LAMC1: variants seen among roughly 807,000 people sequenced by gnomAD.
The protein encoded by LAMC1 is laminin subunit gamma 1.
LAMC1 carries 38 observed loss-of-function variants against 173.6 expected under a neutral mutation model. The ratio of observed to expected loss-of-function variants is 0.22; its 90% CI spans 0.17 to 0.29. The LOEUF (loss-of-function observed/expected upper bound fraction) is 0.29, where lower values mean the gene tolerates loss of function less well. Ranked by LOEUF, LAMC1 falls within the 10% of genes least tolerant of loss-of-function variation. LAMC1 has a pLI of 1.00. For missense variants in LAMC1, 1,824 were observed against 2,051.8 expected (o/e 0.89, Z 2.14); for synonymous variants, 746 against 749.1 (o/e 1.00, Z 0.07).
intron 4 of LAMC1, among the ~76,000 whole-genome samples, chr1:183,112,962 T>G (rs952322010): frequency 1.3e-5 from 2 of 152,070 alleles, no homozygotes; most frequent in Non-Finnish European, 2.9e-5. Flanking sequence ...GGTGGGAGAC[T>G]CATTTGGGAC....
In LAMC1 at chr1:183,142,757, C is replaced by T. The variant is rs35216974; in HGVS notation, c.4797C>T (p.Gly1599=). 2,495 of 1,613,570 alleles carry T rather than the reference C, an allele frequency of 1.5e-3. 28 individuals are homozygous for T. The African/African-American group carries it at 0.027, about 17-fold the overall frequency. Residue 1599 remains glycine (G), a synonymous_variant, in exon 28 of 28, where the codon GGC becomes GGT. Transcript: ENST00000258341. ...LEDIRKTLPS[G]CFNTPSIEKP Reference sequence around the variant, plus strand: ...ACATCAGGAAGACCTTACCATCTGGCTGCTTCAACACCCCGTCCATTGAAA... The same window carrying T: ...ACATCAGGAAGACCTTACCATCTGGTTGCTTCAACACCCCGTCCATTGAAA...
chr1:183,133,575 GC>G (rs773025532), intron 22 of LAMC1, 25 bp downstream of exon 22: 1 of 1,584,484 alleles, frequency 6.3e-7, no homozygotes, highest in Non-Finnish European at 8.6e-7. Flanking sequence ...TGTACGCACA[GC>G]CCCACCCCGT....
chr1:183,023,679 C>T lies in LAMC1; in HGVS notation c.-38C>T, dbSNP rs1341329102. On this transcript the variant is annotated 5_prime_UTR_variant, in exon 1 of 28. Coordinates refer to ENST00000258341, the MANE Select transcript of LAMC1 (RefSeq NM_002293.4). ...GCTAGGCGAGAGGAACGCGCCGGTG[C>T]CCTTGCCTTCGCCGTGACCCAGCGT... 4.3e-6 allele frequency: 5 copies of T among 1,159,094 alleles called. No individual in the cohort carries two copies. In the African/African-American group the frequency reaches 6.5e-5, roughly 15 times the overall value. 71.8% of individuals were successfully genotyped at this position (1,159,094 alleles called of 1,614,324 possible). A position where few individuals can be genotyped will look rare whatever the true frequency, so the allele number is the denominator to read the frequency against.
Position 183,137,784 on chromosome 1 carries a change from G to C in LAMC1, c.4430G>C (p.Arg1477Thr), listed in dbSNP as rs1656988199. The part of the protein sequence containing the change: ...QLQEAEKELK[R>T]KQDDADQDMM... The stretch of plus-strand genomic sequence containing the variant: ...CAGGAAGCAGAAAAAGAGCTAAAGA[G>C]AAAACAAGATGACGCTGACCAGGAC... Residue 1477 changes from arginine to threonine, a missense_variant, in exon 26 of 28, where the codon AGA becomes ACA. Arg to Thr is a moderately conservative substitution (Grantham distance 71). Transcript: ENST00000258341. The C allele has an allele frequency of 6.2e-7, 1 of 1,611,674 alleles. No individual in the cohort carries two copies. Among genetic ancestry groups the C allele is most frequent in the Non-Finnish European group, 8.5e-7 (1 of 1,178,656 alleles).
intron 14 of LAMC1, 187 bp downstream of exon 14, chr1:183,125,063 C>T (rs1656583117): frequency 1.5e-6 from 1 of 676,926 alleles, no homozygotes; most frequent in East Asian, 2.8e-5. Context: ...TGGTGGCTGA[C>T]ACCTGTGGTC....
In LAMC1 at chr1:183,114,568, C is replaced by T. The variant is rs769627682; in HGVS notation, c.1059C>T (p.Phe353=). The stretch of plus-strand genomic sequence containing the variant: ...ATGGTCGATCCCAGGAATGCTACTT[C>T]GACCCTGAACTCTATCGTTCCACTG... ...DCNGRSQECY[F]DPELYRSTGH... is the part of the protein sequence containing the mutation. Residue 353 remains phenylalanine, a synonymous_variant, in exon 5 of 28, where the codon TTC becomes TTT. Coordinates refer to ENST00000258341, the MANE Select transcript of LAMC1 (RefSeq NM_002293.4). 18 of 1,614,078 alleles carry T rather than the reference C, an allele frequency of 1.1e-5. No individual in the cohort carries two copies. Among genetic ancestry groups the T allele is most frequent in the South Asian group, 3.3e-5 (3 of 91,086 alleles).
chr1:183,117,591 G>A lies in LAMC1; in HGVS notation c.1745G>A (p.Arg582Gln), dbSNP rs1338729312. The A allele has an allele frequency of 4.3e-6, 7 of 1,614,138 alleles. No homozygotes were observed. The highest frequency in any genetic ancestry group is 3.3e-5 in the Admixed American group (2 of 60,018). ...SYGQNLSFSF[R>Q]VDRRDTRLSA... ...GGTCAGAACCTCTCCTTCTCCTTTC[G>A]AGTGGACAGGCGAGATACTCGCCTC... The change falls in exon 10 of 28, where the codon CGA (arginine) becomes CAA (glutamine). Residue 582 changes from arginine (R) to glutamine (Q), a missense_variant. Physicochemically the swap from Arg to Gln is conservative, Grantham distance 43. Coordinates refer to ENST00000258341, the MANE Select transcript of LAMC1 (RefSeq NM_002293.4).
intron 18 of LAMC1, among the ~76,000 whole-genome samples, chr1:183,129,090 T>G (rs1163895840): frequency 4.9e-5 from 7 of 143,674 alleles, no homozygotes; most frequent in African/African-American, 1.5e-4. Flanking sequence ...AGCTTTTTTT[T>G]TTTTTTTTTT....
chr1:183,032,798 T>C (rs1197883262), intron 1 of LAMC1, among the ~76,000 whole-genome samples: 2 of 152,226 alleles, frequency 1.3e-5, no homozygotes, highest in African/African-American at 4.8e-5. Context: ...TGAAAGTTTC[T>C]GCTAACCAGA....
chr1:183,125,419 G>C lies in LAMC1; in HGVS notation c.2670G>C (p.Gly890=). 6.2e-7 allele frequency: 1 copy of C among 1,614,118 alleles called. No homozygotes were observed. The highest frequency in any genetic ancestry group is 8.5e-7 in the Non-Finnish European group (1 of 1,180,000). The change falls in exon 15 of 28, where the codon GGG becomes GGC. Residue 890 remains glycine (G), a synonymous_variant. Transcript: ENST00000258341. ...KCKACNCNLY[G]TMKQQSSCNP... ...TAGCCTGCAATTGCAATCTGTATGG[G>C]ACCATGAAGCAGCAGAGCAGCTGTA...
chr1:183,130,450 CTT>C lies in LAMC1; in HGVS notation c.3388_3389del (p.Leu1130GlyfsTer2). 1 of 1,614,176 alleles carries C rather than the reference CTT, an allele frequency of 6.2e-7. No homozygotes were observed. Among genetic ancestry groups the C allele is most frequent in the Non-Finnish European group, 8.5e-7 (1 of 1,180,020 alleles). On this transcript the variant is annotated frameshift_variant, in exon 19 of 28. Coordinates refer to ENST00000258341, the MANE Select transcript of LAMC1 (RefSeq NM_002293.4). LOFTEE classifies it high-confidence loss of function. The part of the protein sequence containing the change: ...IRNTIEETGN[L>X]AEQARAHVEN... ...GGAATACCATTGAAGAGACTGGAAA[CTT>C]GGCTGAACAAGCGCGTGCCCATGTA...
At position 183,097,405 on chromosome 1, in the gene LAMC1, T is replaced by G. The variant is rs1250183706; in HGVS notation, c.419-5923T>G. Among the ~76,000 whole-genome samples, 3 of 152,198 alleles carry G rather than the reference T, an allele frequency of 2.0e-5. No individual in the cohort carries two copies. In the South Asian group the frequency reaches 6.2e-4, roughly 32 times the overall value. ...CAGTAGTGAACCAGTGACTCCTAAT[T>G]TGATACTTTAGAATGAACTAGTTTT... On this transcript the variant is annotated intron_variant, in intron 1 of 27. Coordinates refer to ENST00000258341, the MANE Select transcript of LAMC1 (RefSeq NM_002293.4).
At chr1:183,124,918 CT>C (rs932718358) in intron 14 of LAMC1, 42 bp downstream of exon 14, 9 of 1,599,092 alleles carry the variant, frequency 5.6e-6, no homozygotes, top group Middle Eastern at 1.7e-4. Flanking sequence ...CTAAATGCCC[CT>C]TTATTGTGAG....
At chr1:183,132,698 G>A (rs562171118) in intron 21 of LAMC1, among the ~76,000 whole-genome samples, 161 bp downstream of exon 21, 1 of 152,280 alleles carries the variant, frequency 6.6e-6, no homozygotes, top group East Asian at 1.9e-4. Flanking sequence ...GTAGAGAAGG[G>A]CATGTGAAGC....
intron 1 of LAMC1, among the ~76,000 whole-genome samples, chr1:183,033,795 G>A (rs566944752): frequency 1.3e-5 from 2 of 152,084 alleles, no homozygotes; most frequent in South Asian, 2.1e-4. Flanking sequence ...AGGTTCAAGC[G>A]ATTCTCCTGT....
chr1:183,063,181 C>G (rs1403145509), intron 1 of LAMC1, among the ~76,000 whole-genome samples: 1 of 152,082 alleles, frequency 6.6e-6, no homozygotes, highest in Non-Finnish European at 1.5e-5. Context: ...CTCAAAGTTC[C>G]AGAATAGTCA....
chr1:183,145,058 G>A lies in LAMC1; in HGVS notation c.*2268G>A, dbSNP rs1657220635. 6.6e-6 allele frequency: 1 copy of A among 152,124 alleles called. No individual in the cohort carries two copies. Among genetic ancestry groups the A allele is most frequent in the South Asian group, 2.1e-4 (1 of 4,822 alleles). The allele number at this position is 152,124 out of a possible 1,614,324, so 9.4% of individuals were successfully genotyped here. On this transcript the variant is annotated 3_prime_UTR_variant, in exon 28 of 28. Transcript: ENST00000258341. ...ATTAAGTGGCTACATCCTAACATAT[G>A]CATTTGGTCAAGGTTGCAGAAGAGG...
intron 20 of LAMC1, 99 bp from the exon 21 acceptor site, chr1:183,132,300 AT>A: frequency 1.4e-6 from 1 of 728,164 alleles, no homozygotes; most frequent in South Asian, 2.5e-5. Flanking sequence ...TCAAATAATA[AT>A]AATAATAATA....
chr1:183,037,690 C>T (rs537479779), intron 1 of LAMC1, among the ~76,000 whole-genome samples: 10 of 152,242 alleles, frequency 6.6e-5, no homozygotes, highest in Admixed American at 4.6e-4. Context: ...TCTTTAGTTT[C>T]CCCAGAGTGT....
Sources: gnomAD v4.1 joint callset for allele counts (sites outside exome capture counted in the v4.1 genomes callset) on GRCh38, gnomAD v4.1.1 for gene constraint, MANE v1.5 for transcripts, NCBI Gene and HGNC (gene_info 2026-07-23, HGNC 2026-07-21) for gene names.